ABR: variants seen among roughly 807,000 people sequenced by gnomAD.
The protein encoded by ABR is active breakpoint cluster region-related protein.
Under a neutral mutation model 107.2 loss-of-function variants are expected in ABR, and 35 were observed. The observed-to-expected ratio is 0.33, with a 90% confidence interval of 0.25 to 0.43. The LOEUF (loss-of-function observed/expected upper bound fraction) is 0.43, where lower values mean the gene tolerates loss of function less well. Ranked by LOEUF, ABR falls within the 20% of genes least tolerant of loss-of-function variation. The probability of loss-of-function intolerance (pLI) is 1.00; values close to 1 mark genes in which losing one functional copy is unlikely to be tolerated. For missense variants in ABR, 815 were observed against 1,115.2 expected (o/e 0.73, Z 3.83); for synonymous variants, 498 against 462.0 (o/e 1.08, Z -1.00).
intron 2 of ABR, among the ~76,000 whole-genome samples, chr17:1,106,396 G>GT (rs949656647): frequency 4.7e-5 from 7 of 148,736 alleles, no homozygotes; most frequent in Non-Finnish European, 1.0e-4. Context: ...GGACAGGAGT[G>GT]TATCATCCAG....
At position 1,200,503 on chromosome 17, in the gene ABR, C is replaced by T. The variant is rs2042651149; in HGVS notation, c.838+28290G>A. On this transcript the variant is annotated intron_variant, in intron 1 of 22. Transcript: ENST00000574139. The surrounding 1 kb of genome is among the most constrained non-coding windows in gnomAD (Gnocchi z 4.1). ...TCTGCCAGGGGTCCTGGGGCCAATC[C>T]CCCATGAAAATGGAGGGACAGGTGT... Among the ~76,000 whole-genome samples the T allele has an allele frequency of 6.6e-6, 1 of 152,070 alleles. No individual in the cohort carries two copies. Among genetic ancestry groups the T allele is most frequent in the Non-Finnish European group, 1.5e-5 (1 of 68,022 alleles).
chr17:1,137,241 A>G (rs1243540623), intron 1 of ABR, among the ~76,000 whole-genome samples: 1 of 151,954 alleles, frequency 6.6e-6, no homozygotes, highest in Non-Finnish European at 1.5e-5. Context: ...ATGGGGTTTC[A>G]CCATGTTGGC....
rs2037133594 is a variant in ABR, at chr17:1,092,929, C to T, written c.346-1079G>A. ...CCGCCTCCCGGGTTCACGCCATTCTCCTGCCTCAGCCTCCCAAGTAACAGG... is the reference window on the plus strand; with the variant it reads ...CCGCCTCCCGGGTTCACGCCATTCTTCTGCCTCAGCCTCCCAAGTAACAGG... On this transcript the variant is annotated intron_variant, in intron 3 of 22. Coordinates refer to ENST00000302538, the MANE Select transcript of ABR (RefSeq NM_021962.5). The surrounding 1 kb of genome is among the most constrained non-coding windows in gnomAD (Gnocchi z 4.6). 6.7e-6 allele frequency among the ~76,000 whole-genome samples: 1 copy of T among 150,122 alleles called. No homozygotes were observed. Among genetic ancestry groups the T allele is most frequent in the Admixed American group, 6.6e-5 (1 of 15,148 alleles).
chr17:1,068,210 GGCATAA>G (rs1280625177), intron 9 of ABR, among the ~76,000 whole-genome samples: 1 of 152,250 alleles, frequency 6.6e-6, no homozygotes, highest in Non-Finnish European at 1.5e-5. Flanking sequence ...TGGGATTACA[GGCATAA>G]GCCACCGTGC....
chr17:1,139,906 G>A (rs569104861), intron 1 of ABR, among the ~76,000 whole-genome samples: 5 of 152,172 alleles, frequency 3.3e-5, no homozygotes, highest in East Asian at 1.9e-4. Flanking sequence ...GGGTATCAGC[G>A]TGCAGAATGG....
At chr17:1,124,328 C>A (rs2039491258) in intron 2 of ABR, among the ~76,000 whole-genome samples, 1 of 152,118 alleles carries the variant, frequency 6.6e-6, no homozygotes, top group African/African-American at 2.4e-5. Context: ...GGACGGAGAC[C>A]CCCTACAAAA....
chr17:1,206,812 C>T (rs528138909), intron 1 of ABR, among the ~76,000 whole-genome samples: 20 of 152,190 alleles, frequency 1.3e-4, no homozygotes, highest in African/African-American at 2.2e-4. Flanking sequence ...AGGCTGGGCG[C>T]GGTGGCTCAT....
intron 10 of ABR, among the ~76,000 whole-genome samples, chr17:1,060,917 G>A (rs533899911): frequency 6.6e-5 from 10 of 152,196 alleles, no homozygotes; most frequent in Admixed American, 2.6e-4. Context: ...GCTTGAACCC[G>A]GGAGGTGGAG....
At chr17:1,224,592 A>G (rs2043180160) in intron 1 of ABR, among the ~76,000 whole-genome samples, 1 of 152,040 alleles carries the variant, frequency 6.6e-6, no homozygotes, top group African/African-American at 2.4e-5. Context: ...AGCCAAGATG[A>G]CCTCTGCCTT....
chr17:1,027,483 A>G lies in ABR; in HGVS notation c.1792-14319T>C, dbSNP rs569896908. On this transcript the variant is annotated intron_variant, in intron 16 of 22. Transcript: ENST00000302538. The surrounding 1 kb of genome is among the most constrained non-coding windows in gnomAD (Gnocchi z 4.7). Reference sequence around the variant, plus strand: ...TCCAGGGTTCCCGCTCTGCGGACTCAAGCAAGCCTCTTGGGAGCTGGCCTG... The same window carrying G: ...TCCAGGGTTCCCGCTCTGCGGACTCGAGCAAGCCTCTTGGGAGCTGGCCTG... 7.0e-3 allele frequency among the ~76,000 whole-genome samples: 1,069 copies of G among 152,316 alleles called. 8 individuals carry two copies. Among genetic ancestry groups the G allele is most frequent in the South Asian group, 0.017 (84 of 4,830 alleles).
intron 21 of ABR, among the ~76,000 whole-genome samples, chr17:1,009,014 A>C (rs1252597011): frequency 1.3e-5 from 2 of 152,168 alleles, no homozygotes; most frequent in African/African-American, 4.8e-5. Flanking sequence ...CAGTTTCCCT[A>C]TGTCTAGTGA....
intron 1 of ABR, among the ~76,000 whole-genome samples, chr17:1,207,104 C>G (rs1284545831): frequency 6.9e-6 from 1 of 145,940 alleles, no homozygotes; most frequent in East Asian, 2.1e-4. Context: ...AAAAAAAAAG[C>G]CAGGCATTGT....
chr17:1,207,465 C>A (rs2042810320), intron 1 of ABR, among the ~76,000 whole-genome samples: 1 of 151,900 alleles, frequency 6.6e-6, no homozygotes, highest in Non-Finnish European at 1.5e-5. Flanking sequence ...GCCTGGCCAA[C>A]ATGGCGAAAC....
chr17:1,200,394 A>G lies in ABR; in HGVS notation c.838+28399T>C, dbSNP rs1377592351. Among the ~76,000 whole-genome samples the G allele has an allele frequency of 6.6e-6, 1 of 152,096 alleles. No individual in the cohort carries two copies. The highest frequency in any genetic ancestry group is 2.4e-5 in the African/African-American group (1 of 41,408). ...TCCATTAAAAAAAATTTTTTTAAAT[A>G]AAGTCTATGGGAGACGTGATTAGGT... On this transcript the variant is annotated intron_variant, in intron 1 of 22. Coordinates refer to the ABR transcript ENST00000574139. The surrounding 1 kb of genome is among the most constrained non-coding windows in gnomAD (Gnocchi z 4.1).
At position 1,057,687 on chromosome 17, in the gene ABR, C is replaced by CTG. The variant is rs1051402007; in HGVS notation, c.1381+281_1381+282dup. On this transcript the variant is annotated intron_variant, in intron 12 of 22. Transcript: ENST00000302538. ...TGTGTGTGTGTGTGTGTGTGTGTCT[C>CTG]TGTGTGTGTGTGTGTGAGAGAGAGA... 3.6e-3 allele frequency among the ~76,000 whole-genome samples: 427 copies of CTG among 119,266 alleles called. 1 individual carries two copies. Among genetic ancestry groups the CTG allele is most frequent in the Middle Eastern group, 0.035 (6 of 172 alleles). 78.2% of individuals were successfully genotyped at this position (119,266 alleles called of 152,430 possible). A position where few individuals can be genotyped will look rare whatever the true frequency, so the allele number is the denominator to read the frequency against.
chr17:1,021,721 T>A (rs548138924), intron 16 of ABR, among the ~76,000 whole-genome samples: 1 of 151,806 alleles, frequency 6.6e-6, no homozygotes, highest in African/African-American at 2.4e-5. Flanking sequence ...GGAGAATCGC[T>A]TGAACCCGGG....
intron 1 of ABR, among the ~76,000 whole-genome samples, chr17:1,163,313 C>G (rs944201691): frequency 6.6e-6 from 1 of 152,182 alleles, no homozygotes; most frequent in African/African-American, 2.4e-5. Context: ...CTGTATCGAC[C>G]CTGTAAAAGC....
upstream of ABR, among the ~76,000 whole-genome samples, chr17:1,188,335 G>A (rs1358542402): frequency 1.6e-4 from 24 of 152,254 alleles, no homozygotes; most frequent in African/African-American, 5.8e-4. Context: ...CAGATCACTA[G>A]GTCAGGAATT....
At chr17:1,213,279 T>G (rs1158747168) in intron 1 of ABR, among the ~76,000 whole-genome samples, 1 of 152,220 alleles carries the variant, frequency 6.6e-6, no homozygotes, top group African/African-American at 2.4e-5. Flanking sequence ...AGACCATGAT[T>G]TGAGACCCAA....
Sources: allele counts gnomAD v4.1 joint callset (sites outside exome capture counted in the v4.1 genomes callset), GRCh38; gene constraint gnomAD v4.1.1; non-coding constraint Gnocchi (gnomAD v3.1); transcripts MANE v1.5; gene names NCBI Gene and HGNC (gene_info 2026-07-23, HGNC 2026-07-21).